RBFOX1: variants seen among roughly 807,000 people sequenced by gnomAD.
RBFOX1 encodes the protein RNA binding fox-1 homolog 1.
RBFOX1 carries 8 observed loss-of-function variants against 57.7 expected under a neutral mutation model. The ratio of observed to expected loss-of-function variants is 0.14; its 90% CI spans 0.08 to 0.25. The LOEUF is 0.25. Among genes scored for constraint, RBFOX1 ranks in the 10% least tolerant of loss-of-function variants. The pLI is 1.00. For missense variants in RBFOX1, 611 were observed against 548.5 expected (o/e 1.11, Z -1.14); for synonymous variants, 326 against 222.4 (o/e 1.47, Z -4.15).
chr16:6,960,944 G>A (rs11864329), intron 3 of RBFOX1, among the ~76,000 whole-genome samples: 87,594 of 144,086 alleles, frequency 0.61, 26,770 homozygotes, highest in Non-Finnish European at 0.63. Context: ...CCTGGCCAAC[G>A]TGATGAAACT....
intron 3 of RBFOX1, among the ~76,000 whole-genome samples, chr16:6,903,320 G>A (rs1014916861): frequency 6.6e-6 from 1 of 152,182 alleles, no homozygotes; most frequent in Non-Finnish European, 1.5e-5. Flanking sequence ...AGCCCTTACA[G>A]CCTGGAGTAA....
chr16:6,660,791 C>T (rs949626318), intron 3 of RBFOX1, among the ~76,000 whole-genome samples: 3 of 152,136 alleles, frequency 2.0e-5, no homozygotes, highest in Non-Finnish European at 4.4e-5. Context: ...TCCACACCTA[C>T]AGGCCTACCA....
intron 2 of RBFOX1, among the ~76,000 whole-genome samples, chr16:6,433,112 G>C (rs2153009352): frequency 6.6e-6 from 1 of 152,336 alleles, no homozygotes; most frequent in African/African-American, 2.4e-5. Flanking sequence ...AGCTCAGATG[G>C]AAGCCATTGC....
At chr16:7,348,493 C>G (rs1218313361) in intron 4 of RBFOX1, among the ~76,000 whole-genome samples, 1 of 152,114 alleles carries the variant, frequency 6.6e-6, no homozygotes, top group African/African-American at 2.4e-5. Context: ...TCCACATGCC[C>G]CTTTGCTCTT....
At chr16:6,839,036 G>C (rs761985209) in intron 3 of RBFOX1, among the ~76,000 whole-genome samples, 1 of 151,774 alleles carries the variant, frequency 6.6e-6, no homozygotes, top group African/African-American at 2.4e-5. Context: ...CGAGGCTGGA[G>C]TGCAGTGCTG....
chr16:6,366,747 C>A (rs1301769147), intron 2 of RBFOX1, among the ~76,000 whole-genome samples: 1 of 152,192 alleles, frequency 6.6e-6, no homozygotes, highest in Non-Finnish European at 1.5e-5. Context: ...TCACAGTAAG[C>A]TGAAATGACA....
intron 3 of RBFOX1, among the ~76,000 whole-genome samples, chr16:6,845,527 C>G (rs1465447725): frequency 1.3e-5 from 2 of 152,096 alleles, no homozygotes; most frequent in South Asian, 4.2e-4. Flanking sequence ...GTGTTCTGTT[C>G]CGTTGGTCGT....
intron 3 of RBFOX1, among the ~76,000 whole-genome samples, chr16:6,932,497 C>T (rs1366963340): frequency 6.6e-6 from 1 of 152,172 alleles, no homozygotes; most frequent in Non-Finnish European, 1.5e-5. Flanking sequence ...CATAGCCCTT[C>T]TTGATGGATT....
At chr16:6,647,883 C>T (rs1602625923) in intron 2 of RBFOX1, among the ~76,000 whole-genome samples, 1 of 152,022 alleles carries the variant, frequency 6.6e-6, no homozygotes, top group Non-Finnish European at 1.5e-5. Context: ...TCTTTGTTGC[C>T]CAGTCTGGAG....
chr16:7,422,928 T>A (rs566460519), intron 4 of RBFOX1: 1 of 152,444 alleles, frequency 6.6e-6, no homozygotes, highest in East Asian at 1.9e-4. Context: ...ACCCCTCCTT[T>A]TCCCTCCTGT....
intron 4 of RBFOX1, among the ~76,000 whole-genome samples, chr16:7,436,223 T>G (rs537437238): frequency 6.6e-6 from 1 of 152,340 alleles, no homozygotes; most frequent in East Asian, 1.9e-4. Context: ...TTGTTTTTGT[T>G]TTTATTTTTC....
chr16:7,032,077 G>T (rs573688340), intron 3 of RBFOX1, among the ~76,000 whole-genome samples: 3 of 152,168 alleles, frequency 2.0e-5, no homozygotes, highest in East Asian at 1.9e-4. Flanking sequence ...AGCAACTTTC[G>T]GATGGCCGTA....
chr16:6,847,202 T>C (rs951614329), intron 3 of RBFOX1, among the ~76,000 whole-genome samples: 1 of 152,192 alleles, frequency 6.6e-6, no homozygotes, highest in African/African-American at 2.4e-5. Flanking sequence ...ATATTGGTCA[T>C]TTAATACTGC....
chr16:7,560,917 T>G (rs2090177669), intron 5 of RBFOX1, among the ~76,000 whole-genome samples: 1 of 152,212 alleles, frequency 6.6e-6, no homozygotes, highest in Non-Finnish European at 1.5e-5. Flanking sequence ...TTTCACATAT[T>G]CCCGTCTGGC....
Position 7,518,323 on chromosome 16 carries a change from C to A in RBFOX1, c.204C>A (p.Pro68=). Residue 68 remains proline, a synonymous_variant, in exon 5 of 16, where the codon CCC becomes CCA. Coordinates refer to ENST00000550418, the MANE Select transcript of RBFOX1 (RefSeq NM_018723.4). The stretch of plus-strand genomic sequence containing the variant: ...AGCACACATTAAACCTGTACCCTCC[C>A]GCCCAGACGCACTCCGAGCAGAGCC... ...VPEHTLNLYP[P]AQTHSEQSPA... is the part of the protein sequence containing the mutation. The A allele has an allele frequency of 1.2e-6, 2 of 1,614,070 alleles. No individual in the cohort carries two copies. The highest frequency in any genetic ancestry group is 1.7e-6 in the Non-Finnish European group (2 of 1,179,972).
chr16:5,747,989 C>T (rs1221497277), intron 3 of RBFOX1, among the ~76,000 whole-genome samples: 2 of 152,100 alleles, frequency 1.3e-5, no homozygotes, highest in Non-Finnish European at 2.9e-5. Flanking sequence ...TTAGATCTTT[C>T]CTGCTTTCTG....
chr16:7,482,938 G>GCT (rs2064380760), intron 4 of RBFOX1, among the ~76,000 whole-genome samples: 1 of 152,098 alleles, frequency 6.6e-6, no homozygotes, highest in African/African-American at 2.4e-5. Flanking sequence ...ACTTTATCCT[G>GCT]GGTTGGAAAA....
chr16:6,578,598 C>CGTGTGTGTGTGTGTGTGTGT (rs57470848), intron 2 of RBFOX1, among the ~76,000 whole-genome samples: 1,711 of 110,738 alleles, frequency 0.015, 46 homozygotes, highest in African/African-American at 0.046. Flanking sequence ...GGTGTGTGTG[C>CGTGTGTGTGTGTGTGTGTGT]GTGTGTGTGT....
chr16:6,211,993 G>T (rs1206117758), intron 1 of RBFOX1, among the ~76,000 whole-genome samples: 1 of 152,014 alleles, frequency 6.6e-6, no homozygotes, highest in South Asian at 2.1e-4. Context: ...AGGATTACAG[G>T]CACACAGCGC....
Sources: allele counts gnomAD v4.1 joint callset (sites outside exome capture counted in the v4.1 genomes callset), GRCh38; gene constraint gnomAD v4.1.1; transcripts MANE v1.5; gene names NCBI Gene and HGNC (gene_info 2026-07-23, HGNC 2026-07-21).